Variants in C1orf21 observed in about 807,000 individuals in gnomAD.
C1orf21 encodes uncharacterized protein C1orf21.
A neutral mutation model predicts 18.7 loss-of-function variants in C1orf21; 3 were observed. The ratio of observed to expected loss-of-function variants is 0.16; its 90% CI spans 0.07 to 0.42. C1orf21 has a LOEUF of 0.42. C1orf21 is among the 10% of genes least tolerant of loss of function. C1orf21 has a pLI of 0.99. For synonymous variants in C1orf21, 41 were observed against 46.4 expected, an observed-to-expected ratio of 0.88 and a Z score of 0.47; for missense variants, 104 against 143.6, an observed-to-expected ratio of 0.72 and a Z score of 1.41.
At chr1:184,585,344 A>T (rs537944120) in intron 3 of C1orf21, among the ~76,000 whole-genome samples, 1 of 152,350 alleles carries the variant, frequency 6.6e-6, no homozygotes, top group Non-Finnish European at 1.5e-5. Context: ...AAACCAAGGC[A>T]TTGGCATCAA....
intron 2 of C1orf21, among the ~76,000 whole-genome samples, chr1:184,485,646 G>A (rs1657722230): frequency 6.6e-6 from 1 of 152,066 alleles, no homozygotes; most frequent in African/African-American, 2.4e-5. Context: ...TGTGTCAGGG[G>A]GTGATTTGGG....
rs1571335175 is a variant in C1orf21 at position 184,387,569 on chromosome 1, G to T, written c.-125+201G>T. Among the ~76,000 whole-genome samples the T allele has an allele frequency of 6.6e-6, 1 of 151,782 alleles. No individual in the cohort carries two copies. The highest frequency in any genetic ancestry group is 2.0e-4 in the East Asian group (1 of 5,094). On this transcript the variant is annotated intron_variant, in intron 1 of 5. Coordinates refer to ENST00000235307, the MANE Select transcript of C1orf21 (RefSeq NM_030806.4). The surrounding 1 kb of genome is among the most constrained non-coding windows in gnomAD (Gnocchi z 5.6). ...CTGCTGCTGGTGCGGGGCTGGCGGG[G>T]TTGCTGCCAGGGACGGAAGCTGGGG...
In C1orf21 at chr1:184,410,647, A is replaced by T. The variant is rs1273732962; in HGVS notation, c.-125+23279A>T. ...TATATATATATATATATATATATAT[A>T]TATATATATATATATATTTTTTTTT... On this transcript the variant is annotated intron_variant, in intron 1 of 5. Transcript: ENST00000235307. Among the ~76,000 whole-genome samples the T allele has an allele frequency of 3.8e-4, 2 of 5,210 alleles. 1 individual carries two copies. Among genetic ancestry groups the T allele is most frequent in the African/African-American group, 8.2e-3 (2 of 244 alleles). The allele number at this position is 5,210 out of a possible 152,430, so 3.4% of individuals were successfully genotyped here.
chr1:184,424,580 T>G (rs1020135006), intron 1 of C1orf21, among the ~76,000 whole-genome samples: 2 of 152,194 alleles, frequency 1.3e-5, no homozygotes, highest in African/African-American at 4.8e-5. Flanking sequence ...AGAGCTGTGA[T>G]GAGAGTTAAT....
intron 3 of C1orf21, among the ~76,000 whole-genome samples, chr1:184,535,252 C>T (rs746915911): frequency 2.2e-4 from 33 of 152,106 alleles, no homozygotes; most frequent in Non-Finnish European, 4.4e-4. Context: ...AAGAGGGGTG[C>T]GTAAAATTGA....
chr1:184,507,532 CTT>C, intron 2 of C1orf21, 54 bp from the exon 3 acceptor site: 1 of 1,450,854 alleles, frequency 6.9e-7, no homozygotes, highest in Non-Finnish European at 9.4e-7. Flanking sequence ...CTGACTGACA[CTT>C]TTCTACTATT....
Position 184,543,607 on chromosome 1 carries a change from A to T in C1orf21, c.189+35925A>T, listed in dbSNP as rs1311281313. Among the ~76,000 whole-genome samples the T allele has an allele frequency of 2.0e-5, 3 of 152,304 alleles. No homozygotes were observed. The East Asian group carries it at 5.8e-4, about 29-fold the overall frequency. On this transcript the variant is annotated intron_variant, in intron 3 of 5. Transcript: ENST00000235307. The stretch of plus-strand genomic sequence containing the variant: ...GATGTGATATGTCCACTGTATCTTT[A>T]TAAGAGGTAGGTTTATTTTTATAAA...
chr1:184,494,678 G>A (rs188379983), intron 2 of C1orf21, among the ~76,000 whole-genome samples: 17 of 152,286 alleles, frequency 1.1e-4, no homozygotes, highest in Admixed American at 7.8e-4. Flanking sequence ...CTTTAGTGGT[G>A]GCTTGCAGGA....
At chr1:184,592,409 G>A (rs370733461) in intron 4 of C1orf21, among the ~76,000 whole-genome samples, 11 of 152,132 alleles carry the variant, frequency 7.2e-5, no homozygotes, top group Admixed American at 2.6e-4. Flanking sequence ...GTCATTGCAT[G>A]TTCAAAAGTT....
chr1:184,480,035 G>A (rs1227464969), intron 2 of C1orf21, among the ~76,000 whole-genome samples: 1 of 152,136 alleles, frequency 6.6e-6, no homozygotes, highest in Non-Finnish European at 1.5e-5. Flanking sequence ...TGCCATCTAG[G>A]ACTTTGTAAG....
intron 2 of C1orf21, among the ~76,000 whole-genome samples, chr1:184,488,002 T>A (rs1657757458): frequency 6.6e-6 from 1 of 152,254 alleles, no homozygotes; most frequent in Non-Finnish European, 1.5e-5. Flanking sequence ...TTTGCATTTC[T>A]GAAAATGGTT....
chr1:184,422,020 G>A (rs973930893), intron 1 of C1orf21, among the ~76,000 whole-genome samples: 10 of 152,308 alleles, frequency 6.6e-5, no homozygotes, highest in African/African-American at 2.2e-4. Flanking sequence ...TATATCCAAG[G>A]CTAACCTTGA....
intron 1 of C1orf21, among the ~76,000 whole-genome samples, chr1:184,463,444 G>C (rs563630420): frequency 2.0e-5 from 3 of 151,994 alleles, no homozygotes; most frequent in African/African-American, 7.2e-5. Flanking sequence ...TTTTTATATA[G>C]CCTGTAATAA....
At chr1:184,413,087 G>C (rs1656383183) in intron 1 of C1orf21, among the ~76,000 whole-genome samples, 1 of 152,164 alleles carries the variant, frequency 6.6e-6, no homozygotes, top group Admixed American at 6.5e-5. Flanking sequence ...AGATTCCTAA[G>C]AGCAAGTAAA....
rs1015224747 is a variant in C1orf21, at chr1:184,511,488, A to G, written c.189+3806A>G. Reference sequence around the variant, plus strand: ...CATGTGGAAAAACTCTGGTGAAGAGATGGAAATGAAGGTGTGCAGCTCAGC... The same window carrying G: ...CATGTGGAAAAACTCTGGTGAAGAGGTGGAAATGAAGGTGTGCAGCTCAGC... On this transcript the variant is annotated intron_variant, in intron 3 of 5. Coordinates refer to ENST00000235307, the MANE Select transcript of C1orf21 (RefSeq NM_030806.4). Among the ~76,000 whole-genome samples the G allele has an allele frequency of 2.0e-5, 3 of 152,194 alleles. No homozygotes were observed. In the East Asian group the frequency reaches 5.8e-4, roughly 29 times the overall value.
chr1:184,456,698 T>G (rs1165586846), intron 1 of C1orf21, among the ~76,000 whole-genome samples: 6 of 152,206 alleles, frequency 3.9e-5, no homozygotes, highest in Admixed American at 6.5e-5. Context: ...AAATCCTCCC[T>G]TCTCTGCACA....
chr1:184,491,354 T>C (rs575633591), intron 2 of C1orf21, among the ~76,000 whole-genome samples: 9 of 152,106 alleles, frequency 5.9e-5, no homozygotes, highest in African/African-American at 1.7e-4. Flanking sequence ...CTTTCTTTTT[T>C]TTTTTTTTGA....
intron 1 of C1orf21, among the ~76,000 whole-genome samples, chr1:184,445,482 C>CT (rs1252653241): frequency 0.013 from 1,780 of 135,584 alleles, 27 homozygotes; most frequent in African/African-American, 0.039. Context: ...TTATCTGGAC[C>CT]TTTTTTTTTT....
At chr1:184,483,448 C>T (rs931904539) in intron 2 of C1orf21, among the ~76,000 whole-genome samples, 10 of 152,202 alleles carry the variant, frequency 6.6e-5, no homozygotes, top group African/African-American at 2.2e-4. Context: ...CTGCAGCCCG[C>T]CCCCAAGTGG....
Sources: allele counts gnomAD v4.1 joint callset (sites outside exome capture counted in the v4.1 genomes callset), GRCh38; gene constraint gnomAD v4.1.1; non-coding constraint Gnocchi (gnomAD v3.1); transcripts MANE v1.5; gene names NCBI Gene and HGNC (gene_info 2026-07-23, HGNC 2026-07-21).